The following SPATA6 variants were observed in gnomAD, a reference collection of about 807,000 sequenced individuals.
The protein encoded by SPATA6 is spermatogenesis-associated protein 6.
In SPATA6, 56 loss-of-function variants were observed where a neutral mutation model predicts 65.3. The observed-to-expected ratio is 0.86, with a 90% CI of 0.69 to 1.07. The LOEUF is 1.07. SPATA6 is among the 50% of genes least tolerant of loss of function. The pLI is 0.00. For missense variants in SPATA6, 590 were observed against 594.8 expected, an observed-to-expected ratio of 0.99 and a Z score of 0.08; for synonymous variants, 199 against 213.2, an observed-to-expected ratio of 0.93 and a Z score of 0.58.
intron 1 of SPATA6, 87 bp from the exon 2 acceptor site, chr1:48,453,218 A>G (rs969356683): frequency 2.2e-6 from 3 of 1,368,736 alleles, no homozygotes; most frequent in Non-Finnish European, 2.9e-6. Flanking sequence ...TATTACATAA[A>G]AACATTAGTC....
In SPATA6 at chr1:48,441,401, T is replaced by C. The variant is rs1655460427; in HGVS notation, c.238+10151A>G. ...CAGGTATTTCTCCCACCTCCTCAGT[T>C]GTAATTGGGAGACTTTGCTCTTTTC... is the stretch of plus-strand genomic sequence containing the variant. On this transcript the variant is annotated intron_variant, in intron 3 of 12. Transcript: ENST00000371847. Among the ~76,000 whole-genome samples the C allele has an allele frequency of 2.0e-5, 3 of 152,232 alleles. No individual in the cohort carries two copies. In the South Asian group the frequency reaches 6.2e-4, roughly 32 times the overall value.
At chr1:48,439,225 G>A (rs774718247) in intron 3 of SPATA6, among the ~76,000 whole-genome samples, 7 of 152,144 alleles carry the variant, frequency 4.6e-5, no homozygotes, top group Non-Finnish European at 1.0e-4. Flanking sequence ...GGTCTAGGAG[G>A]ACAGGCAAGG....
intron 9 of SPATA6, among the ~76,000 whole-genome samples, chr1:48,360,176 G>A (rs1646771104): frequency 6.6e-6 from 1 of 152,004 alleles, no homozygotes; most frequent in African/African-American, 2.4e-5. Context: ...CATTTGTTCT[G>A]GGAATGGACA....
At chr1:48,437,995 T>C (rs573362553) in intron 3 of SPATA6, among the ~76,000 whole-genome samples, 1 of 151,594 alleles carries the variant, frequency 6.6e-6, no homozygotes, top group Non-Finnish European at 1.5e-5. Flanking sequence ...CAGTGCTCTG[T>C]AAAATGGACC....
the SPATA6 span, among the ~76,000 whole-genome samples, chr1:48,276,437 T>A: frequency 6.6e-6 from 1 of 152,214 alleles, no homozygotes; most frequent in Admixed American, 6.5e-5. Flanking sequence ...GGGTGTCAAC[T>A]TTAGATCTTT....
intron 1 of SPATA6, 45 bp downstream of exon 1, chr1:48,471,913 T>C: frequency 6.3e-7 from 1 of 1,599,764 alleles, no homozygotes; most frequent in South Asian, 1.1e-5. Context: ...ACTGAGGGAG[T>C]CCCTGAGCCA....
At chr1:48,422,722 A>C (rs1294572909) in intron 3 of SPATA6, among the ~76,000 whole-genome samples, 3 of 152,118 alleles carry the variant, frequency 2.0e-5, no homozygotes, top group African/African-American at 7.3e-5. Context: ...TTATTTTTAC[A>C]ATTTTTCACA....
chr1:48,315,258 A>C (rs1007395408), intron 11 of SPATA6, among the ~76,000 whole-genome samples: 10 of 152,288 alleles, frequency 6.6e-5, no homozygotes, highest in Middle Eastern at 6.8e-3. Flanking sequence ...TTTTAGACCA[A>C]TATCCCTGAT....
In SPATA6 at chr1:48,403,839, G is replaced by A. The variant is rs1026937361; in HGVS notation, c.449C>T (p.Thr150Ile). 5 of 1,610,122 alleles carry A rather than the reference G, an allele frequency of 3.1e-6. No individual in the cohort carries two copies. In the African/African-American group the frequency reaches 6.7e-5, roughly 22 times the overall value. The change falls in exon 6 of 13, where the codon ACT becomes ATT. Residue 150 changes from threonine (T) to isoleucine (I), a missense_variant. Transcript: ENST00000371847. ...TTTCCTTGAACTTATCAGACATTCA[G>A]TAATCACTGAAGTCGTAGAAAATTC... ...RLEFSTTSVI[T>I]ECLISSRKCH...
intron 8 of SPATA6, among the ~76,000 whole-genome samples, chr1:48,390,649 C>T (rs1383358849): frequency 6.6e-6 from 1 of 152,122 alleles, no homozygotes; most frequent in Non-Finnish European, 1.5e-5. Context: ...ACATTCCACA[C>T]AATGTAACAA....
At chr1:48,391,933 T>C (rs903017594) in intron 8 of SPATA6, among the ~76,000 whole-genome samples, 1 of 152,062 alleles carries the variant, frequency 6.6e-6, no homozygotes, top group Non-Finnish European at 1.5e-5. Flanking sequence ...GTGTATGACT[T>C]GGCGCAACTT....
intron 8 of SPATA6, 42 bp downstream of exon 8, chr1:48,395,225 T>C: frequency 6.9e-7 from 1 of 1,444,516 alleles, no homozygotes; most frequent in Non-Finnish European, 9.3e-7. Context: ...TGATTGTAGC[T>C]CAGGCAACTA....
At chr1:48,463,470 A>T (rs1657595050) in intron 1 of SPATA6, among the ~76,000 whole-genome samples, 1 of 152,178 alleles carries the variant, frequency 6.6e-6, no homozygotes, top group Admixed American at 6.5e-5. Context: ...AAAAATTATA[A>T]AATATTTAGA....
intron 8 of SPATA6, among the ~76,000 whole-genome samples, chr1:48,391,010 A>G (rs1650000705): frequency 6.6e-6 from 1 of 152,144 alleles, no homozygotes; most frequent in Admixed American, 6.5e-5. Flanking sequence ...ATCACAGTCC[A>G]ACTTCTCTTC....
intron 3 of SPATA6, among the ~76,000 whole-genome samples, chr1:48,449,932 C>A (rs138610683): frequency 1.8e-3 from 273 of 152,152 alleles, no homozygotes; most frequent in African/African-American, 6.4e-3. Flanking sequence ...ATAAGATTGG[C>A]AAAATGTCAA....
chr1:48,451,645 T>G lies in SPATA6; in HGVS notation c.190-45A>C, dbSNP rs774520541. ...GGAGAGGCAGGAAGGAAGATATATA[T>G]TTTTTTTCTCCCTTCATCCCCAAAA... On this transcript the variant is annotated intron_variant, in intron 2 of 12. Transcript: ENST00000371847. 4.5e-6 allele frequency: 7 copies of G among 1,547,670 alleles called. No homozygotes were observed. In the African/African-American group the frequency reaches 9.7e-5, roughly 21 times the overall value.
intron 9 of SPATA6, among the ~76,000 whole-genome samples, chr1:48,382,696 G>A: frequency 1.5e-5 from 1 of 65,914 alleles, no homozygotes; most frequent in African/African-American, 5.4e-5. Context: ...TCACTTTCCA[G>A]TAGGGGCGGC....
chr1:48,359,283 T>G (rs993872564), intron 10 of SPATA6, among the ~76,000 whole-genome samples: 4 of 152,150 alleles, frequency 2.6e-5, no homozygotes, highest in Non-Finnish European at 4.4e-5. Flanking sequence ...CCTATAATAT[T>G]AAATTCCTCT....
intron 11 of SPATA6, among the ~76,000 whole-genome samples, chr1:48,350,466 G>T (rs535904744): frequency 2.6e-5 from 4 of 151,158 alleles, no homozygotes; most frequent in African/African-American, 9.7e-5. Context: ...TGTTGTGCTT[G>T]CTATCATATA....
Sources: gnomAD v4.1 joint callset for allele counts (sites outside exome capture counted in the v4.1 genomes callset) on GRCh38, gnomAD v4.1.1 for gene constraint, MANE v1.5 for transcripts, NCBI Gene and HGNC (gene_info 2026-07-23, HGNC 2026-07-21) for gene names.